Variants in UBASH3A observed in about 807,000 individuals in gnomAD.
The protein encoded by UBASH3A is ubiquitin-associated and SH3 domain-containing protein A.
In UBASH3A, 63 loss-of-function variants were observed where a neutral mutation model predicts 73.5. The ratio of observed to expected loss-of-function variants is 0.86; its 90% CI spans 0.70 to 1.06. The LOEUF (loss-of-function observed/expected upper bound fraction) is 1.06. Among genes scored for constraint, UBASH3A ranks in the 50% least tolerant of loss-of-function variants. UBASH3A has a pLI of 0.00. For missense variants in UBASH3A, 860 were observed against 859.0 expected, an observed-to-expected ratio of 1.00 and a Z score of -0.02; for synonymous variants, 363 against 351.1, an observed-to-expected ratio of 1.03 and a Z score of -0.38.
At position 42,416,594 on chromosome 21, in the gene UBASH3A, C is replaced by T. The variant is rs534746608; in HGVS notation, c.820C>T (p.Arg274Cys). Reference protein sequence around the residue: ...WTAALYSRDMRFVHYQTLRAL... With the variant: ...WTAALYSRDMCFVHYQTLRAL... ...CGCAGCACTCTACTCCCGAGACATG[C>T]GCTTTGTGCACTACCAGGTGAGAGA... The change falls in exon 6 of 15, where the codon CGC (arginine) becomes TGC (cysteine). Residue 274 changes from arginine to cysteine, a missense_variant. Arg to Cys is a radical substitution (Grantham distance 180). Coordinates refer to ENST00000319294, the MANE Select transcript of UBASH3A (RefSeq NM_018961.4). The T allele has an allele frequency of 2.1e-5, 33 of 1,595,144 alleles. 1 individual carries two copies. Among genetic ancestry groups the T allele is most frequent in the Middle Eastern group, 3.3e-4 (2 of 5,998 alleles).
intron 5 of UBASH3A, among the ~76,000 whole-genome samples, chr21:42,415,195 G>A (rs148230851): frequency 5.3e-5 from 8 of 152,340 alleles, no homozygotes; most frequent in African/African-American, 1.9e-4. Flanking sequence ...GCAAGGACCC[G>A]TTCAGAAGTC....
At chr21:42,428,811 C>A (rs2053482111) in intron 8 of UBASH3A, among the ~76,000 whole-genome samples, 1 of 152,098 alleles carries the variant, frequency 6.6e-6, no homozygotes, top group Non-Finnish European at 1.5e-5. Context: ...TGCCTGTGAA[C>A]TGGCCCCCCT....
rs750307730 is a variant in UBASH3A at position 42,444,779 on chromosome 21, CTG to C, written c.1848+139_1848+140del. The C allele has an allele frequency of 6.8e-4, 484 of 707,450 alleles. 1 individual carries two copies. Among genetic ancestry groups the C allele is most frequent in the Non-Finnish European group, 1.1e-3 (441 of 403,594 alleles). 43.8% of individuals were successfully genotyped at this position (707,450 alleles called of 1,614,324 possible). A position where few individuals can be genotyped will look rare whatever the true frequency, so the allele number is the denominator to read the frequency against. On this transcript the variant is annotated intron_variant, in intron 14 of 14. Coordinates refer to ENST00000319294, the MANE Select transcript of UBASH3A (RefSeq NM_018961.4). ...ACCAGGATCCACGTGCCCCCGGAGA[CTG>C]TGCCCACCGGCTCTTATGCGAAGGG...
chr21:42,440,192 G>A (rs1406667405), intron 11 of UBASH3A, among the ~76,000 whole-genome samples: 1 of 152,224 alleles, frequency 6.6e-6, no homozygotes, highest in Non-Finnish European at 1.5e-5. Context: ...AGCAGGTCCA[G>A]CCTTCGTGTT....
At chr21:42,417,113 T>C (rs1158540624) in intron 6 of UBASH3A, among the ~76,000 whole-genome samples, 2 of 151,710 alleles carry the variant, frequency 1.3e-5, no homozygotes, top group Non-Finnish European at 2.9e-5. Context: ...GACAACAAAA[T>C]AGAAGCATTT....
At position 42,413,470 on chromosome 21, in the gene UBASH3A, G is replaced by T; in HGVS notation, c.614G>T (p.Arg205Met). 2 of 1,614,192 alleles carry T rather than the reference G, an allele frequency of 1.2e-6. No homozygotes were observed. Among genetic ancestry groups the T allele is most frequent in the Non-Finnish European group, 1.7e-6 (2 of 1,180,032 alleles). Reference protein sequence around the residue: ...SQVPGHGPNLRLSNLTRASFV... With the variant: ...SQVPGHGPNLMLSNLTRASFV... ...GTGCCTGGACATGGCCCTAACCTGA[G>T]GCTGAGCAATTTAACTAGAGCCTCC... Residue 205 changes from arginine (R) to methionine (M), a missense_variant, in exon 5 of 15, where the codon AGG becomes ATG. By Grantham distance (91) the Arg-to-Met change is moderately conservative. Transcript: ENST00000319294. This position sits in a 1 kb window ranked among gnomAD's most constrained non-coding sequence, Gnocchi z 4.5.
rs2053541064 is a variant in UBASH3A, at chr21:42,432,060, G to C, written c.1171-43G>C. 4.7e-6 allele frequency: 6 copies of C among 1,268,264 alleles called. No homozygotes were observed. The East Asian group carries it at 1.4e-4, about 30-fold the overall frequency. The allele number at this position is 1,268,264 out of a possible 1,614,324, so 78.6% of individuals were successfully genotyped here. On this transcript the variant is annotated intron_variant, in intron 8 of 14. Coordinates refer to ENST00000319294, the MANE Select transcript of UBASH3A (RefSeq NM_018961.4). Reference sequence around the variant, plus strand: ...CCATTGGTGCAAGTCCAGTGAGTTGGATGTTAAACTGCATGTGCCTTGCTT... The same window carrying C: ...CCATTGGTGCAAGTCCAGTGAGTTGCATGTTAAACTGCATGTGCCTTGCTT...
chr21:42,440,329 G>A (rs138135974), intron 11 of UBASH3A, among the ~76,000 whole-genome samples: 4 of 152,244 alleles, frequency 2.6e-5, no homozygotes, highest in Admixed American at 6.5e-5. Context: ...CAGTGTGAGG[G>A]TGGCTCTTAA....
intron 10 of UBASH3A, 56 bp downstream of exon 10, chr21:42,435,010 G>A: frequency 6.3e-7 from 1 of 1,596,474 alleles, no homozygotes; most frequent in South Asian, 1.1e-5. Flanking sequence ...CACTGATTAT[G>A]GCTAGCAGGC....
In UBASH3A at chr21:42,413,266, G is replaced by A. The variant is rs988366266; in HGVS notation, c.553+44G>A. On this transcript the variant is annotated intron_variant, in intron 4 of 14. Coordinates refer to ENST00000319294, the MANE Select transcript of UBASH3A (RefSeq NM_018961.4). This position sits in a 1 kb window ranked among gnomAD's most constrained non-coding sequence, Gnocchi z 4.5. ...TTGCAAACACAGGGCTGGATTCACAGTGAGTGAGCCCTCTGTGGCAGGGAC... is the reference window on the plus strand; with the variant it reads ...TTGCAAACACAGGGCTGGATTCACAATGAGTGAGCCCTCTGTGGCAGGGAC... The A allele has an allele frequency of 6.2e-6, 10 of 1,607,474 alleles. No individual in the cohort carries two copies. The highest frequency in any genetic ancestry group is 5.1e-6 in the Non-Finnish European group (6 of 1,174,358).
intron 11 of UBASH3A, among the ~76,000 whole-genome samples, chr21:42,438,927 GA>G (rs2053678300): frequency 4.6e-5 from 7 of 152,074 alleles, no homozygotes; most frequent in African/African-American, 1.7e-4. Context: ...GTCTTGCTGG[GA>G]CTTGCACATG....
chr21:42,407,303 A>T (rs922069474), intron 2 of UBASH3A, among the ~76,000 whole-genome samples: 4 of 152,218 alleles, frequency 2.6e-5, no homozygotes, highest in Non-Finnish European at 5.9e-5. Flanking sequence ...GCAGGAGGGC[A>T]GATACTGATC....
Position 42,416,581 on chromosome 21 carries a change from C to G in UBASH3A, c.807C>G (p.Tyr269Ter), listed in dbSNP as rs1435450325. The part of the protein sequence containing the change: ...GHSCQWTAAL[Y>*]SRDMRFVHYQ... ...GCTGCCAGTGGACCGCAGCACTCTA[C>G]TCCCGAGACATGCGCTTTGTGCACT... The change falls in exon 6 of 15, where the codon TAC becomes TAG. Residue 269 changes from tyrosine to a stop codon, truncating the protein, a stop_gained. Coordinates refer to ENST00000319294, the MANE Select transcript of UBASH3A (RefSeq NM_018961.4). LOFTEE classifies it high-confidence loss of function. 6.2e-6 allele frequency: 10 copies of G among 1,604,864 alleles called. No individual in the cohort carries two copies. The highest frequency in any genetic ancestry group is 8.5e-6 in the Non-Finnish European group (10 of 1,176,028).
chr21:42,418,090 G>A (rs1240153280), intron 6 of UBASH3A, among the ~76,000 whole-genome samples: 3 of 151,798 alleles, frequency 2.0e-5, no homozygotes, highest in African/African-American at 7.3e-5. Flanking sequence ...CACCATATTG[G>A]CCAGGCTGGT....
At chr21:42,440,975 T>TA (rs1296333828) in intron 11 of UBASH3A, among the ~76,000 whole-genome samples, 1 of 152,216 alleles carries the variant, frequency 6.6e-6, no homozygotes, top group Non-Finnish European at 1.5e-5. Context: ...CACTTGCATA[T>TA]AAAAAGCTTT....
rs2053856920 is a variant in UBASH3A, at chr21:42,447,104, A to T, written c.1896A>T (p.Gly632=). The T allele has an allele frequency of 6.2e-7, 1 of 1,613,998 alleles. No individual in the cohort carries two copies. Among genetic ancestry groups the T allele is most frequent in the South Asian group, 1.1e-5 (1 of 91,064 alleles). ...MCFCEENKEE[G]KWELVNPPVK... is the part of the protein sequence containing the mutation. Reference sequence around the variant, plus strand: ...TCTGTGAAGAAAATAAAGAGGAAGGAAAATGGGAGTTGGTGAACCCACCGG... The same window carrying T: ...TCTGTGAAGAAAATAAAGAGGAAGGTAAATGGGAGTTGGTGAACCCACCGG... Residue 632 remains glycine (G), a synonymous_variant, in exon 15 of 15, where the codon GGA becomes GGT. Coordinates refer to ENST00000319294, the MANE Select transcript of UBASH3A (RefSeq NM_018961.4).
chr21:42,442,126 G>A (rs555473084), intron 11 of UBASH3A, among the ~76,000 whole-genome samples: 74 of 152,236 alleles, frequency 4.9e-4, no homozygotes, highest in African/African-American at 1.7e-3. Context: ...CTGGTTTCAC[G>A]GTGGAGCTGT....
rs2053864105 is a variant in UBASH3A, at chr21:42,447,505, G to A, written c.*311G>A. ...CAACTGCCCGGGACTCTAACTTCCA[G>A]GAATTAAAGACTCACCACACACGAA... On this transcript the variant is annotated 3_prime_UTR_variant, in exon 15 of 15. Transcript: ENST00000319294. 7.7e-6 allele frequency: 2 copies of A among 259,346 alleles called. No homozygotes were observed. The highest frequency in any genetic ancestry group is 1.8e-4 in the South Asian group (2 of 11,028). The allele number at this position is 259,346 out of a possible 1,614,324, so 16.1% of individuals were successfully genotyped here. A position where few individuals can be genotyped will look rare whatever the true frequency, so the allele number is the denominator to read the frequency against.
Position 42,447,259 on chromosome 21 carries a change from G to A in UBASH3A, c.*65G>A. 8 of 1,544,034 alleles carry A rather than the reference G, an allele frequency of 5.2e-6. No homozygotes were observed. The highest frequency in any genetic ancestry group is 1.2e-5 in the South Asian group (1 of 83,096). On this transcript the variant is annotated 3_prime_UTR_variant, in exon 15 of 15. Transcript: ENST00000319294. ...CAGAAACCATGTGCAGAGGCTGGGA[G>A]ATGCTGCTGTTTCCAGAGGCGTCTT...
Sources: gnomAD v4.1 joint callset for allele counts (sites outside exome capture counted in the v4.1 genomes callset) on GRCh38, gnomAD v4.1.1 for gene constraint, Gnocchi (gnomAD v3.1) non-coding constraint, MANE v1.5 for transcripts, NCBI Gene and HGNC (gene_info 2026-07-23, HGNC 2026-07-21) for gene names.